ERC2: variants seen among roughly 807,000 people sequenced by gnomAD.
ERC2 encodes ERC protein 2.
Under a neutral mutation model 114.8 loss-of-function variants are expected in ERC2, and 42 were observed. That is an observed-to-expected ratio of 0.37 (90% CI 0.29 to 0.47). The LOEUF (loss-of-function observed/expected upper bound fraction) is 0.47, where lower values mean the gene tolerates loss of function less well. Among genes scored for constraint, ERC2 ranks in the 20% least tolerant of loss-of-function variants. The pLI, the probability that ERC2 is intolerant of heterozygous loss-of-function variation, is 0.99. For missense variants in ERC2, 939 were observed against 1,150.7 expected (o/e 0.82, Z 2.66); for synonymous variants, 454 against 425.5 (o/e 1.07, Z -0.82).
At chr3:55,888,051 G>A (rs1245722554) in intron 14 of ERC2, among the ~76,000 whole-genome samples, 1 of 152,200 alleles carries the variant, frequency 6.6e-6, no homozygotes, top group Non-Finnish European at 1.5e-5. Context: ...TCTGAGCAGC[G>A]CTCAAATTAC....
chr3:56,204,222 T>A (rs1331079176), intron 3 of ERC2, among the ~76,000 whole-genome samples: 1 of 152,108 alleles, frequency 6.6e-6, no homozygotes. Flanking sequence ...AATACAACTT[T>A]GAGTGCATCA....
intron 12 of ERC2, among the ~76,000 whole-genome samples, chr3:55,966,254 T>A (rs1489583862): frequency 6.6e-6 from 1 of 152,150 alleles, no homozygotes; most frequent in Non-Finnish European, 1.5e-5. Context: ...TAATCCTCCA[T>A]ACTAGAGTCA....
At chr3:56,354,350 T>C (rs1301733095) in intron 2 of ERC2, among the ~76,000 whole-genome samples, 1 of 152,202 alleles carries the variant, frequency 6.6e-6, no homozygotes, top group Non-Finnish European at 1.5e-5. Context: ...ACCTGGATTG[T>C]AATGTACATC....
chr3:56,006,033 T>G (rs770450466), intron 10 of ERC2, among the ~76,000 whole-genome samples: 1 of 152,042 alleles, frequency 6.6e-6, no homozygotes, highest in Non-Finnish European at 1.5e-5. Context: ...AGTGAGATGA[T>G]GAGTGGATTG....
chr3:55,703,147 T>C (rs945862693), intron 15 of ERC2, among the ~76,000 whole-genome samples: 2 of 152,200 alleles, frequency 1.3e-5, no homozygotes, highest in African/African-American at 2.4e-5. Context: ...TCACCTCCCA[T>C]TGAACACATT....
At chr3:56,217,754 G>A (rs1304928251) in intron 3 of ERC2, among the ~76,000 whole-genome samples, 3 of 152,330 alleles carry the variant, frequency 2.0e-5, no homozygotes, top group Admixed American at 6.5e-5. Flanking sequence ...CAAGGCTACA[G>A]TAACCAAAAC....
At chr3:56,032,987 GAAAGAAAGAA>G (rs1276579151) in intron 7 of ERC2, among the ~76,000 whole-genome samples, 1 of 91,434 alleles carries the variant, frequency 1.1e-5, no homozygotes, top group Non-Finnish European at 2.4e-5. Flanking sequence ...GAGAAAGAAA[GAAAGAAAGAA>G]AGAAAGAAAG....
chr3:55,664,396 T>G (rs557831651), intron 17 of ERC2, among the ~76,000 whole-genome samples: 3 of 152,330 alleles, frequency 2.0e-5, no homozygotes, highest in South Asian at 4.1e-4. Flanking sequence ...TTGGTTTCTG[T>G]GTTTTCCCCA....
chr3:55,888,171 T>A (rs1456846539), intron 14 of ERC2, among the ~76,000 whole-genome samples: 1 of 152,172 alleles, frequency 6.6e-6, no homozygotes, highest in Non-Finnish European at 1.5e-5. Flanking sequence ...TAGTGCTGGA[T>A]CTATATTTTT....
intron 3 of ERC2, among the ~76,000 whole-genome samples, chr3:56,293,957 G>A (rs564511820): frequency 1.3e-5 from 2 of 152,368 alleles, no homozygotes; most frequent in South Asian, 2.1e-4. Context: ...CCAACAAGGA[G>A]TGAGAAATGG....
intron 14 of ERC2, among the ~76,000 whole-genome samples, chr3:55,750,079 T>C (rs943986649): frequency 6.6e-6 from 1 of 152,088 alleles, no homozygotes; most frequent in African/African-American, 2.4e-5. Context: ...CAAAGAGAAT[T>C]TACTATGGAC....
intron 17 of ERC2, among the ~76,000 whole-genome samples, chr3:55,624,380 C>T (rs1421000222): frequency 2.6e-5 from 4 of 152,064 alleles, no homozygotes; most frequent in Non-Finnish European, 5.9e-5. Flanking sequence ...TGTGTCGCCA[C>T]GGGAGGGACA....
At chr3:55,639,946 G>C (rs530259569) in intron 17 of ERC2, among the ~76,000 whole-genome samples, 3 of 151,806 alleles carry the variant, frequency 2.0e-5, no homozygotes, top group African/African-American at 7.3e-5. Flanking sequence ...AAGTCTCACC[G>C]TTGCCTCTAA....
intron 7 of ERC2, among the ~76,000 whole-genome samples, chr3:56,023,782 G>T (rs1021183760): frequency 1.3e-5 from 2 of 149,730 alleles, no homozygotes; most frequent in African/African-American, 4.9e-5. Context: ...AATGAAGGAA[G>T]GAAGGAAGGA....
At chr3:56,411,022 T>C (rs912606277) in intron 2 of ERC2, among the ~76,000 whole-genome samples, 1 of 147,014 alleles carries the variant, frequency 6.8e-6, no homozygotes, top group African/African-American at 2.6e-5. Context: ...GACTATTGGG[T>C]GAATTTTGCA....
intron 2 of ERC2, among the ~76,000 whole-genome samples, chr3:56,346,788 G>A (rs1481000208): frequency 6.6e-6 from 1 of 152,162 alleles, no homozygotes; most frequent in Non-Finnish European, 1.5e-5. Context: ...TCTGGAGACT[G>A]GGACGTCCAA....
At chr3:56,135,106 C>T (rs2080428839) in intron 6 of ERC2, among the ~76,000 whole-genome samples, 1 of 152,010 alleles carries the variant, frequency 6.6e-6, no homozygotes, top group South Asian at 2.1e-4. Flanking sequence ...GCCCGTACCA[C>T]CACGTCCAGC....
At chr3:55,699,347 G>A (rs930196458) in intron 16 of ERC2, 31 bp downstream of exon 16, 5 of 1,612,680 alleles carry the variant, frequency 3.1e-6, no homozygotes, top group Admixed American at 1.7e-5. Flanking sequence ...GGGTAAAAGG[G>A]GTCTTGGAGG....
chr3:56,165,880 G>T (rs2082299072), intron 4 of ERC2, among the ~76,000 whole-genome samples: 1 of 147,834 alleles, frequency 6.8e-6, no homozygotes, highest in African/African-American at 2.5e-5. Context: ...GAACAAAAAT[G>T]TTTTTTTTTT....
Sources: allele counts gnomAD v4.1 joint callset (sites outside exome capture counted in the v4.1 genomes callset), GRCh38; gene constraint gnomAD v4.1.1; transcripts MANE v1.5; gene names NCBI Gene and HGNC (gene_info 2026-07-23, HGNC 2026-07-21).